The following MROH1 variants were observed in gnomAD, a reference collection of about 807,000 sequenced individuals.
The protein encoded by MROH1 is maestro heat like repeat family member 1.
Under a neutral mutation model 116.5 loss-of-function variants are expected in MROH1, and 117 were observed. The observed-to-expected ratio is 1.00, with a 90% CI of 0.86 to 1.17. The LOEUF (loss-of-function observed/expected upper bound fraction) is 1.17, where lower values mean the gene tolerates loss of function less well. Ranked by LOEUF, MROH1 falls within the 50% of genes most tolerant of loss-of-function variation. The probability of loss-of-function intolerance (pLI) is 0.00; values close to 1 mark genes in which losing one functional copy is unlikely to be tolerated. For missense variants in MROH1, 1,873 were observed against 1,338.5 expected (o/e 1.40, Z -6.23); for synonymous variants, 921 against 583.9 (o/e 1.58, Z -8.32).
Position 144,163,708 on chromosome 8 carries a change from T to C in MROH1, c.-56-63T>C. 1.1e-6 allele frequency: 1 copy of C among 917,526 alleles called. No homozygotes were observed. Among genetic ancestry groups the C allele is most frequent in the South Asian group, 1.7e-5 (1 of 58,616 alleles). 56.8% of individuals were successfully genotyped at this position (917,526 alleles called of 1,614,324 possible). ...GTGTATTTTACATGGAAATGGTAAT[T>C]GCCTGTGAACTCAGATATCGTAGAG... is the stretch of plus-strand genomic sequence containing the variant. On this transcript the variant is annotated intron_variant, in intron 2 of 43. Transcript: ENST00000326134. The surrounding 1 kb of genome is among the most constrained non-coding windows in gnomAD (Gnocchi z 4.4).
chr8:144,228,556 C>T (rs188052285), intron 14 of MROH1, among the ~76,000 whole-genome samples: 6 of 152,222 alleles, frequency 3.9e-5, no homozygotes, highest in East Asian at 1.9e-4. Flanking sequence ...CTCCACCTCC[C>T]GGGTTCAAGC....
At position 144,259,366 on chromosome 8, in the gene MROH1, C is replaced by CA; in HGVS notation, c.4044+13dup. ...CCTTCCTGGCCGAGGTAGGCCCTTC[C>CA]AGGGACGGATGCTGGGCACCAAGGT... On this transcript the variant is annotated intron_variant, in intron 37 of 43. Coordinates refer to ENST00000326134, the MANE Select transcript of MROH1 (RefSeq NM_032450.3). 1 of 714,964 alleles carries CA rather than the reference C, an allele frequency of 1.4e-6. No homozygotes were observed. Among genetic ancestry groups the CA allele is most frequent in the Non-Finnish European group, 2.6e-6 (1 of 384,860 alleles). The allele number at this position is 714,964 out of a possible 1,614,324, so 44.3% of individuals were successfully genotyped here. A position where few individuals can be genotyped will look rare whatever the true frequency, so the allele number is the denominator to read the frequency against.
intron 33 of MROH1, chr8:144,250,713 C>G: frequency 2.4e-6 from 1 of 416,758 alleles, no homozygotes; most frequent in Non-Finnish European, 4.5e-6. Context: ...GCCCCTCACC[C>G]TGTGTCTTGG....
intron 1 of MROH1, among the ~76,000 whole-genome samples, chr8:144,154,962 C>T (rs2130624955): frequency 6.6e-6 from 1 of 152,300 alleles, no homozygotes; most frequent in African/African-American, 2.4e-5. Flanking sequence ...GGATTGCAGG[C>T]ACCCGCCACC....
chr8:144,246,004 C>T (rs1262281333), intron 29 of MROH1, among the ~76,000 whole-genome samples: 3 of 150,978 alleles, frequency 2.0e-5, no homozygotes, highest in Non-Finnish European at 4.4e-5. Flanking sequence ...ACTATCTTTT[C>T]TTTTTTTTCT....
At chr8:144,173,817 A>G (rs1317488057) in intron 4 of MROH1, among the ~76,000 whole-genome samples, 1 of 152,194 alleles carries the variant, frequency 6.6e-6, no homozygotes, top group East Asian at 1.9e-4. Context: ...TGCCTACATT[A>G]TAGCTTGTAA....
rs1252464109 is a variant in MROH1 at position 144,236,558 on chromosome 8, T to A, written c.1339-2198T>A. Among the ~76,000 whole-genome samples, 3 of 151,964 alleles carry A rather than the reference T, an allele frequency of 2.0e-5. No homozygotes were observed. In the East Asian group the frequency reaches 5.9e-4, roughly 30 times the overall value. On this transcript the variant is annotated intron_variant, in intron 14 of 43. Coordinates refer to ENST00000326134, the MANE Select transcript of MROH1 (RefSeq NM_032450.3). ...GAGTTCAAGACCAGCCTGGCCAACA[T>A]GGTGAAACCCCATCTCTACTAAAAA...
At chr8:144,243,735 C>T in intron 25 of MROH1, 119 bp downstream of exon 25, 1 of 753,412 alleles carries the variant, frequency 1.3e-6, no homozygotes, top group African/African-American at 1.7e-5. Context: ...ATGGGAGGGG[C>T]CATGTAGGGA....
At chr8:144,213,342 G>A (rs1195629006) in intron 12 of MROH1, 8 of 424,400 alleles carry the variant, frequency 1.9e-5, no homozygotes, top group Middle Eastern at 6.1e-4. Context: ...GCCTTTTATC[G>A]TTGATGGTTT....
chr8:144,170,228 T>C (rs1471176737), intron 4 of MROH1, among the ~76,000 whole-genome samples: 1 of 152,242 alleles, frequency 6.6e-6, no homozygotes, highest in Non-Finnish European at 1.5e-5. Context: ...GAGCCTCCGT[T>C]CTGGGGTGTC....
chr8:144,170,148 T>C (rs1474585405), intron 4 of MROH1, among the ~76,000 whole-genome samples: 2 of 152,200 alleles, frequency 1.3e-5, no homozygotes, highest in Non-Finnish European at 1.5e-5. Context: ...ACAGGTTTTA[T>C]GGCTGCCTTG....
In MROH1 at chr8:144,260,822, CCGTGGCCAG is replaced by C; in HGVS notation, c.4531_4536+3del. 1.3e-6 allele frequency: 1 copy of C among 778,006 alleles called. No individual in the cohort carries two copies. Among genetic ancestry groups the C allele is most frequent in the East Asian group, 2.4e-5 (1 of 41,248 alleles). 48.2% of individuals were successfully genotyped at this position (778,006 alleles called of 1,614,324 possible). ...CTGCACCTGCAGGACCCTCAGGCCACCGTGGCCAGCGTGAGTAGCCAGGGGGTGAGTGGG... is the reference window on the plus strand; with the variant it reads ...CTGCACCTGCAGGACCCTCAGGCCACCGTGAGTAGCCAGGGGGTGAGTGGG... On this transcript the variant is annotated inframe_deletion and splice_region_variant, in exon 40 of 44. Coordinates refer to ENST00000326134, the MANE Select transcript of MROH1 (RefSeq NM_032450.3).
intron 4 of MROH1, among the ~76,000 whole-genome samples, chr8:144,176,564 C>T (rs557537405): frequency 4.7e-5 from 7 of 150,476 alleles, no homozygotes; most frequent in South Asian, 2.1e-4. Context: ...AAATTTGGCC[C>T]GGTATGATGG....
intron 12 of MROH1, among the ~76,000 whole-genome samples, chr8:144,208,733 T>C (rs553914430): frequency 6.6e-6 from 1 of 152,082 alleles, no homozygotes; most frequent in Non-Finnish European, 1.5e-5. Flanking sequence ...TTTTTCTTTT[T>C]TCTTTTTTGA....
chr8:144,247,348 C>T lies in MROH1; in HGVS notation c.2919C>T (p.Ser973=), dbSNP rs1018619838. 1.1e-4 allele frequency: 84 copies of T among 773,310 alleles called. 1 individual carries two copies. The East Asian group carries it at 2.0e-3, about 18-fold the overall frequency. The allele number at this position is 773,310 out of a possible 1,614,324, so 47.9% of individuals were successfully genotyped here. ...HNLGLLIGLF[S]PRCADLWPAT... Reference sequence around the variant, plus strand: ...TGGGCCTTCTCATCGGCCTCTTCTCCCCACGGTGTGCGGACCTGTGGCCTG... The same window carrying T: ...TGGGCCTTCTCATCGGCCTCTTCTCTCCACGGTGTGCGGACCTGTGGCCTG... Residue 973 remains serine (S), a synonymous_variant, in exon 30 of 44, where the codon TCC becomes TCT. Coordinates refer to ENST00000326134, the MANE Select transcript of MROH1 (RefSeq NM_032450.3).
intron 37 of MROH1, 95 bp from the exon 38 acceptor site, chr8:144,259,816 G>A (rs995520383): frequency 5.1e-5 from 36 of 705,526 alleles, no homozygotes; most frequent in African/African-American, 2.3e-4. Context: ...CTGCCACACC[G>A]GCGTGGGGAC....
In MROH1 at chr8:144,245,154, A is replaced by G; in HGVS notation, c.2767-2A>G. On this transcript the variant is annotated splice_acceptor_variant, in intron 28 of 43. Coordinates refer to ENST00000326134, the MANE Select transcript of MROH1 (RefSeq NM_032450.3). LOFTEE classifies it high-confidence loss of function. Reference sequence around the variant, plus strand: ...TACCTGTGTGACGCCCCTCTTCCTCAGCACCTGAGCCCATGGATCAAGTCC... The same window carrying G: ...TACCTGTGTGACGCCCCTCTTCCTCGGCACCTGAGCCCATGGATCAAGTCC... 1 of 778,996 alleles carries G rather than the reference A, an allele frequency of 1.3e-6. No individual in the cohort carries two copies. The highest frequency in any genetic ancestry group is 1.3e-5 in the South Asian group (1 of 74,548). 48.3% of individuals were successfully genotyped at this position (778,996 alleles called of 1,614,324 possible).
intron 1 of MROH1, among the ~76,000 whole-genome samples, chr8:144,152,089 T>C (rs1816941096): frequency 6.6e-6 from 1 of 152,240 alleles, no homozygotes; most frequent in African/African-American, 2.4e-5. Context: ...GGGATATGTC[T>C]CATACCTATA....
intron 4 of MROH1, 103 bp from the exon 5 acceptor site, chr8:144,179,352 A>G: frequency 2.7e-6 from 4 of 1,504,766 alleles, no homozygotes; most frequent in Non-Finnish European, 3.6e-6. Context: ...CACTTGAGGC[A>G]GAGAGATTTG....
Sources: allele counts gnomAD v4.1 joint callset (sites outside exome capture counted in the v4.1 genomes callset), GRCh38; gene constraint gnomAD v4.1.1; non-coding constraint Gnocchi (gnomAD v3.1); transcripts MANE v1.5; gene names NCBI Gene and HGNC (gene_info 2026-07-23, HGNC 2026-07-21).